ADAMTS3: variants seen among roughly 807,000 people sequenced by gnomAD.
ADAMTS3 encodes the protein A disintegrin and metalloproteinase with thrombospondin motifs 3.
Under a neutral mutation model 129.0 loss-of-function variants are expected in ADAMTS3, and 73 were observed. That is an observed-to-expected ratio of 0.57 (90% CI 0.47 to 0.69). The LOEUF (loss-of-function observed/expected upper bound fraction) is 0.69. Ranked by LOEUF, ADAMTS3 falls within the 30% of genes least tolerant of loss-of-function variation. ADAMTS3 has a pLI of 0.00. For synonymous variants in ADAMTS3, 477 were observed against 510.8 expected (o/e 0.93, Z 0.89); for missense variants, 1,457 against 1,514.5 (o/e 0.96, Z 0.63).
At chr4:72,447,882 C>A (rs182729097) in intron 3 of ADAMTS3, among the ~76,000 whole-genome samples, 5 of 151,870 alleles carry the variant, frequency 3.3e-5, no homozygotes, top group Admixed American at 3.3e-4. Context: ...TTTTTGCTAA[C>A]CTGGAGACTG....
chr4:72,426,416 A>C (rs1381458453), intron 3 of ADAMTS3, among the ~76,000 whole-genome samples: 2 of 152,118 alleles, frequency 1.3e-5, no homozygotes, highest in African/African-American at 2.4e-5. Context: ...GAATCTGGGC[A>C]TTTGATTCTA....
At chr4:72,369,440 G>A (rs929005697) in intron 4 of ADAMTS3, among the ~76,000 whole-genome samples, 17 of 152,118 alleles carry the variant, frequency 1.1e-4, no homozygotes, top group African/African-American at 3.9e-4. Context: ...ACCGGGCGCG[G>A]TGGCTCACGA....
chr4:72,477,074 A>C (rs1420924912), intron 3 of ADAMTS3, among the ~76,000 whole-genome samples: 1 of 152,144 alleles, frequency 6.6e-6, no homozygotes, highest in Non-Finnish European at 1.5e-5. Flanking sequence ...AGATAACATT[A>C]TATTTAAGTG....
intron 17 of ADAMTS3, among the ~76,000 whole-genome samples, chr4:72,302,604 G>A (rs1718979233): frequency 6.6e-6 from 1 of 151,966 alleles, no homozygotes; most frequent in Admixed American, 6.6e-5. Flanking sequence ...CACATCATGG[G>A]AAATTTACCC....
At chr4:72,407,616 A>C (rs1395413464) in intron 4 of ADAMTS3, among the ~76,000 whole-genome samples, 1 of 152,162 alleles carries the variant, frequency 6.6e-6, no homozygotes, top group Non-Finnish European at 1.5e-5. Flanking sequence ...CTTCCACAGG[A>C]AATGGGTGAT....
At chr4:72,528,532 A>C (rs2109753461) in intron 3 of ADAMTS3, among the ~76,000 whole-genome samples, 1 of 151,836 alleles carries the variant, frequency 6.6e-6, no homozygotes. Context: ...AAAAAAAAAA[A>C]AAAAAAACAG....
intron 5 of ADAMTS3, among the ~76,000 whole-genome samples, chr4:72,332,942 T>C (rs908947779): frequency 3.3e-5 from 5 of 152,152 alleles, no homozygotes; most frequent in Non-Finnish European, 7.4e-5. Context: ...AACTTTGTAA[T>C]GAGAGGCAGT....
chr4:72,424,319 A>G (rs1036349358), intron 3 of ADAMTS3, among the ~76,000 whole-genome samples: 2 of 152,112 alleles, frequency 1.3e-5, no homozygotes, highest in Non-Finnish European at 2.9e-5. Context: ...ATTAGACATT[A>G]CCATTTCAGT....
intron 3 of ADAMTS3, among the ~76,000 whole-genome samples, chr4:72,478,116 A>C (rs1022773597): frequency 2.6e-5 from 4 of 152,232 alleles, no homozygotes; most frequent in African/African-American, 9.6e-5. Context: ...CAGAGGTACA[A>C]GGAGGAACTG....
At chr4:72,549,976 A>AAAG (rs1721576413) in intron 2 of ADAMTS3, among the ~76,000 whole-genome samples, 2 of 29,868 alleles carry the variant, frequency 6.7e-5, no homozygotes, top group East Asian at 1.5e-3. Context: ...AAGAAGAAGA[A>AAAG]GAAGAAGAAG....
At chr4:72,567,817 C>T (rs973249935) in intron 1 of ADAMTS3, among the ~76,000 whole-genome samples, 2 of 152,210 alleles carry the variant, frequency 1.3e-5, no homozygotes, top group Non-Finnish European at 2.9e-5. Flanking sequence ...TATGGTCGTT[C>T]AGACCAGGCC....
chr4:72,354,717 T>G (rs1401775805), intron 4 of ADAMTS3, among the ~76,000 whole-genome samples: 1 of 152,036 alleles, frequency 6.6e-6, no homozygotes, highest in Non-Finnish European at 1.5e-5. Flanking sequence ...AATATATCCT[T>G]CAACAGTCTT....
At chr4:72,452,916 A>G (rs570113054) in intron 3 of ADAMTS3, among the ~76,000 whole-genome samples, 1 of 151,898 alleles carries the variant, frequency 6.6e-6, no homozygotes, top group East Asian at 2.0e-4. Context: ...TATCTCAAAG[A>G]ACACTAAACA....
At chr4:72,286,338 G>C (rs1462799275) in intron 21 of ADAMTS3, among the ~76,000 whole-genome samples, 1 of 152,114 alleles carries the variant, frequency 6.6e-6, no homozygotes, top group African/African-American at 2.4e-5. Context: ...TGTTCTTTTG[G>C]TTTTGATTTG....
intron 21 of ADAMTS3, among the ~76,000 whole-genome samples, chr4:72,284,822 A>C (rs543092088): frequency 6.6e-6 from 1 of 152,308 alleles, no homozygotes; most frequent in African/African-American, 2.4e-5. Flanking sequence ...GATTTCAGAT[A>C]ATCCAAATAT....
chr4:72,530,494 ATATAC>A (rs1181152742), intron 3 of ADAMTS3, among the ~76,000 whole-genome samples: 8 of 91,034 alleles, frequency 8.8e-5, no homozygotes, highest in South Asian at 3.6e-4. Flanking sequence ...ATATATATTT[ATATAC>A]AAATATATAT....
At chr4:72,433,473 T>C (rs1722745411) in intron 3 of ADAMTS3, among the ~76,000 whole-genome samples, 2 of 151,936 alleles carry the variant, frequency 1.3e-5, no homozygotes, top group Admixed American at 1.3e-4. Context: ...ATATTAAATA[T>C]GACATTAAAG....
At chr4:72,567,330 A>C (rs1238438753) in intron 2 of ADAMTS3, 44 bp downstream of exon 2, 2 of 1,595,336 alleles carry the variant, frequency 1.3e-6, no homozygotes, top group African/African-American at 2.7e-5. Flanking sequence ...TCATTCCCTT[A>C]CTTTCAACTT....
rs1000503649 is a variant in ADAMTS3 at position 72,568,524 on chromosome 4, C to A, written c.69+170G>T. Reference sequence around the variant, plus strand: ...TCCCGTGCAACTCAACCCTCTACCCCCAAAAGCCCGCACGCTGCGCCCAGC... The same window carrying A: ...TCCCGTGCAACTCAACCCTCTACCCACAAAAGCCCGCACGCTGCGCCCAGC... On this transcript the variant is annotated intron_variant, in intron 1 of 21. Coordinates refer to ENST00000286657, the MANE Select transcript of ADAMTS3 (RefSeq NM_014243.3). 3.3e-5 allele frequency among the ~76,000 whole-genome samples: 5 copies of A among 152,102 alleles called. No homozygotes were observed. In the East Asian group the frequency reaches 5.8e-4, roughly 18 times the overall value.
Sources: gnomAD v4.1 joint callset for allele counts (sites outside exome capture counted in the v4.1 genomes callset) on GRCh38, gnomAD v4.1.1 for gene constraint, MANE v1.5 for transcripts, NCBI Gene and HGNC (gene_info 2026-07-23, HGNC 2026-07-21) for gene names.